Variants in FAM193A observed in about 807,000 individuals in gnomAD.
FAM193A encodes the protein family with sequence similarity 193 member A.
FAM193A carries 22 observed loss-of-function variants against 126.5 expected under a neutral mutation model. That is an observed-to-expected ratio of 0.17 (90% CI 0.12 to 0.25). FAM193A has a LOEUF of 0.25. FAM193A is among the 10% of genes least tolerant of loss of function. FAM193A has a pLI of 1.00. For synonymous variants in FAM193A, 761 were observed against 646.8 expected (o/e 1.18, Z -2.68); for missense variants, 1,675 against 1,672.8 (o/e 1.00, Z -0.02).
intron 1 of FAM193A, among the ~76,000 whole-genome samples, chr4:2,540,804 T>C (rs1737186238): frequency 6.7e-6 from 1 of 149,760 alleles, no homozygotes; most frequent in African/African-American, 2.5e-5. Flanking sequence ...CTACTAAAAA[T>C]ACAAAGAATA....
chr4:2,563,779 C>T (rs1738775689), intron 1 of FAM193A, among the ~76,000 whole-genome samples: 2 of 152,192 alleles, frequency 1.3e-5, no homozygotes, highest in African/African-American at 4.8e-5. Context: ...AATGACAAGC[C>T]ATGCCTGAAG....
chr4:2,689,080 T>G (rs1716071879), intron 13 of FAM193A, among the ~76,000 whole-genome samples: 1 of 152,246 alleles, frequency 6.6e-6, no homozygotes, highest in African/African-American at 2.4e-5. Flanking sequence ...TGCCTGGGTA[T>G]AAGAGGTCAG....
chr4:2,705,342 A>G (rs1370781089), intron 19 of FAM193A, among the ~76,000 whole-genome samples: 2 of 152,172 alleles, frequency 1.3e-5, no homozygotes, highest in African/African-American at 4.8e-5. Flanking sequence ...TCTTCCTTTT[A>G]TGCGGTCAGC....
intron 4 of FAM193A, among the ~76,000 whole-genome samples, chr4:2,629,603 A>G (rs1236630221): frequency 1.3e-5 from 2 of 152,226 alleles, no homozygotes; most frequent in African/African-American, 2.4e-5. Flanking sequence ...TTTTGACATA[A>G]TATGGTATGT....
At chr4:2,720,591 A>G (rs982271826) in intron 20 of FAM193A, among the ~76,000 whole-genome samples, 1 of 151,754 alleles carries the variant, frequency 6.6e-6, no homozygotes, top group Non-Finnish European at 1.5e-5. Flanking sequence ...GACCAAGGCT[A>G]CAGTGAGCCA....
chr4:2,639,175 A>G (rs756742150), intron 5 of FAM193A, among the ~76,000 whole-genome samples: 23 of 152,150 alleles, frequency 1.5e-4, no homozygotes, highest in Non-Finnish European at 3.1e-4. Context: ...TGACTGGGAC[A>G]CTTCTAGGTT....
Position 2,608,085 on chromosome 4 carries a change from A to T in FAM193A, c.501+11756A>T, listed in dbSNP as rs1268918821. ...GTGTAAGGTGAAGCCGGCCTGATTC[A>T]CTCCCAGATTAGTGCTTCCACGATC... On this transcript the variant is annotated intron_variant, in intron 2 of 20. Transcript: ENST00000637812. 4 of 1,609,408 alleles carry T rather than the reference A, an allele frequency of 2.5e-6. No homozygotes were observed. In the East Asian group the frequency reaches 8.9e-5, roughly 36 times the overall value.
At chr4:2,657,978 T>G in intron 8 of FAM193A, 98 bp downstream of exon 8, 1 of 818,854 alleles carries the variant, frequency 1.2e-6, no homozygotes, top group Non-Finnish European at 2.0e-6. Flanking sequence ...TAGAACAGCA[T>G]TGGAGGACCA....
chr4:2,693,948 G>A (rs979557888), intron 16 of FAM193A, 74 bp downstream of exon 16: 5 of 1,459,500 alleles, frequency 3.4e-6, no homozygotes, highest in Non-Finnish European at 3.8e-6. Flanking sequence ...CACAGCTACA[G>A]AAACTCCCCT....
chr4:2,540,662 A>G (rs1737177532), intron 1 of FAM193A, among the ~76,000 whole-genome samples: 1 of 151,602 alleles, frequency 6.6e-6, no homozygotes, highest in African/African-American at 2.4e-5. Context: ...AAACAAACGA[A>G]CAAAAACGAA....
At chr4:2,586,444 G>A (rs990972374) in intron 1 of FAM193A, among the ~76,000 whole-genome samples, 4 of 151,324 alleles carry the variant, frequency 2.6e-5, no homozygotes, top group Non-Finnish European at 4.4e-5. Context: ...TTTTCCCCCC[G>A]GTTTGGGTAT....
chr4:2,666,867 T>G (rs1414541469), intron 12 of FAM193A, among the ~76,000 whole-genome samples: 2 of 152,246 alleles, frequency 1.3e-5, no homozygotes, highest in Non-Finnish European at 2.9e-5. Context: ...TTTGGGTAAT[T>G]TTATCTTCCT....
At chr4:2,565,276 T>TTTTAAAA (rs71178481) in intron 1 of FAM193A, among the ~76,000 whole-genome samples, 20 of 47,910 alleles carry the variant, frequency 4.2e-4, no homozygotes, top group African/African-American at 1.3e-3. Flanking sequence ...TTTTTTTTTT[T>TTTTAAAA]AAAAGATGCA....
chr4:2,706,758 C>T (rs1255569092), intron 19 of FAM193A, among the ~76,000 whole-genome samples: 1 of 151,206 alleles, frequency 6.6e-6, no homozygotes, highest in African/African-American at 2.4e-5. Flanking sequence ...GCTTTTCCAG[C>T]TCAGTATTTC....
chr4:2,624,802 A>G (rs1289626078), intron 2 of FAM193A, among the ~76,000 whole-genome samples: 1 of 152,210 alleles, frequency 6.6e-6, no homozygotes, highest in Non-Finnish European at 1.5e-5. Context: ...TCGGCTTCCC[A>G]AAATGGTGGG....
intron 7 of FAM193A, among the ~76,000 whole-genome samples, chr4:2,655,798 G>C (rs1039027740): frequency 1.3e-5 from 2 of 152,262 alleles, no homozygotes. Context: ...AGGTGTGGTG[G>C]TGTGTGCCTG....
chr4:2,539,738 T>G (rs760836279), intron 1 of FAM193A, among the ~76,000 whole-genome samples: 1 of 152,122 alleles, frequency 6.6e-6, no homozygotes, highest in Non-Finnish European at 1.5e-5. Context: ...CCCACTCTTA[T>G]GACCCACTCC....
intron 20 of FAM193A, among the ~76,000 whole-genome samples, chr4:2,727,730 G>T (rs1383554089): frequency 6.6e-6 from 1 of 152,260 alleles, no homozygotes; most frequent in African/African-American, 2.4e-5. Context: ...TTGCCTAAAG[G>T]TAGGACATAA....
intron 7 of FAM193A, among the ~76,000 whole-genome samples, chr4:2,650,630 G>A (rs559355163): frequency 6.6e-5 from 10 of 152,198 alleles, no homozygotes; most frequent in Non-Finnish European, 8.8e-5. Context: ...TGGGAAGCAC[G>A]TGAAAGGCTC....
Sources: allele counts gnomAD v4.1 joint callset (sites outside exome capture counted in the v4.1 genomes callset), GRCh38; gene constraint gnomAD v4.1.1; transcripts MANE v1.5; gene names NCBI Gene and HGNC (gene_info 2026-07-23, HGNC 2026-07-21).